RNF217: variants seen among roughly 807,000 people sequenced by gnomAD.
RNF217 encodes ring finger protein 217.
In RNF217, 31 loss-of-function variants were observed where a neutral mutation model predicts 57.8. That is an observed-to-expected ratio of 0.54 (90% CI 0.40 to 0.72). The LOEUF (loss-of-function observed/expected upper bound fraction) is 0.72, where lower values mean the gene tolerates loss of function less well. Ranked by LOEUF, RNF217 falls within the 30% of genes least tolerant of loss-of-function variation. The pLI is 0.00. For missense variants in RNF217, 696 were observed against 708.3 expected (o/e 0.98, Z 0.20); for synonymous variants, 313 against 294.0 (o/e 1.06, Z -0.66).
chr6:124,973,831 A>T (rs1228151378), intron 1 of RNF217, among the ~76,000 whole-genome samples: 2 of 152,088 alleles, frequency 1.3e-5, no homozygotes, highest in Admixed American at 6.5e-5. Context: ...AAAAAAAAAG[A>T]ACGATTTTAT....
intron 1 of RNF217, among the ~76,000 whole-genome samples, chr6:125,035,357 G>A (rs1168184877): frequency 1.3e-5 from 2 of 152,072 alleles, no homozygotes; most frequent in African/African-American, 4.8e-5. Flanking sequence ...CTCTCTCTCG[G>A]CAGAAACTCT....
rs1787106529 is a variant in RNF217, at chr6:125,046,540, T to A, written c.1116+1096T>A. The A allele has an allele frequency of 2.0e-5, 9 of 455,216 alleles. No homozygotes were observed. The Admixed American group carries it at 2.1e-4, about 11-fold the overall frequency. The allele number at this position is 455,216 out of a possible 1,614,324, so 28.2% of individuals were successfully genotyped here. A position where few individuals can be genotyped will look rare whatever the true frequency, so the allele number is the denominator to read the frequency against. ...CAGGTGACTAATCCACAGTAGAGAATCTTTGCAGTAAATGAAGCAGAAAAC... is the reference window on the plus strand; with the variant it reads ...CAGGTGACTAATCCACAGTAGAGAAACTTTGCAGTAAATGAAGCAGAAAAC... On this transcript the variant is annotated intron_variant, in intron 2 of 5. Coordinates refer to ENST00000521654, the MANE Select transcript of RNF217 (RefSeq NM_001286398.3).
At chr6:124,974,556 A>T (rs759346158) in intron 1 of RNF217, among the ~76,000 whole-genome samples, 54 of 152,226 alleles carry the variant, frequency 3.5e-4, no homozygotes, top group Non-Finnish European at 5.1e-4. Flanking sequence ...TCTGATTAAC[A>T]ACACTTAATA....
chr6:124,965,223 G>A (rs1016901590), intron 1 of RNF217, among the ~76,000 whole-genome samples: 1 of 152,146 alleles, frequency 6.6e-6, no homozygotes, highest in African/African-American at 2.4e-5. Flanking sequence ...ATTTCTGATT[G>A]TATGTATGTG....
At chr6:124,998,432 C>T (rs914352647) in intron 1 of RNF217, among the ~76,000 whole-genome samples, 4 of 152,174 alleles carry the variant, frequency 2.6e-5, no homozygotes, top group African/African-American at 4.8e-5. Context: ...TCACTTTGTC[C>T]ATGATCCCAA....
chr6:125,050,260 G>C (rs201052779), intron 2 of RNF217, among the ~76,000 whole-genome samples: 1 of 151,912 alleles, frequency 6.6e-6, no homozygotes, highest in Non-Finnish European at 1.5e-5. Context: ...TAGAGAACAC[G>C]TTAGAGGTAA....
At chr6:125,081,402 G>A (rs767761318) in intron 4 of RNF217, 34 bp from the exon 5 acceptor site, 1 of 1,542,088 alleles carries the variant, frequency 6.5e-7, no homozygotes, top group Non-Finnish European at 8.9e-7. Flanking sequence ...TTAGTTTTAA[G>A]ACTCCTTAAA....
At chr6:124,987,987 A>G (rs1257115988) in intron 1 of RNF217, among the ~76,000 whole-genome samples, 1 of 152,156 alleles carries the variant, frequency 6.6e-6, no homozygotes, top group Non-Finnish European at 1.5e-5. Flanking sequence ...CCAGGGATCA[A>G]TCCCCGGACT....
chr6:125,053,533 T>C (rs2114570083), intron 2 of RNF217, among the ~76,000 whole-genome samples: 1 of 152,274 alleles, frequency 6.6e-6, no homozygotes. Flanking sequence ...TTGTGATTTA[T>C]TTAAAATAAT....
chr6:124,981,474 G>T (rs1449070915), intron 1 of RNF217, among the ~76,000 whole-genome samples: 2 of 152,146 alleles, frequency 1.3e-5, no homozygotes, highest in Admixed American at 1.3e-4. Flanking sequence ...TGGGGGGGCG[G>T]TGACTTTCAG....
intron 1 of RNF217, among the ~76,000 whole-genome samples, chr6:124,970,563 G>A (rs932822528): frequency 6.6e-6 from 1 of 152,184 alleles, no homozygotes; most frequent in African/African-American, 2.4e-5. Flanking sequence ...TTCATGAAGG[G>A]ATGTTGAGTA....
chr6:125,083,042 A>G lies in RNF217; in HGVS notation c.*105A>G. The G allele has an allele frequency of 1.4e-6, 1 of 701,310 alleles. No homozygotes were observed. The highest frequency in any genetic ancestry group is 2.3e-6 in the Non-Finnish European group (1 of 437,578). The allele number at this position is 701,310 out of a possible 1,614,324, so 43.4% of individuals were successfully genotyped here. On this transcript the variant is annotated 3_prime_UTR_variant, in exon 6 of 6. Coordinates refer to ENST00000521654, the MANE Select transcript of RNF217 (RefSeq NM_001286398.3). ...TGAAAAACACTGAGAGGAACCTTCT[A>G]CCATCTCATCTCCCAGTGATTCTCC... is the stretch of plus-strand genomic sequence containing the variant.
intron 3 of RNF217, among the ~76,000 whole-genome samples, chr6:125,073,629 G>A (rs897507515): frequency 1.3e-5 from 2 of 152,070 alleles, no homozygotes; most frequent in Admixed American, 6.6e-5. Flanking sequence ...GGTAACTCTC[G>A]ACCCTAGGTG....
chr6:125,023,842 G>A (rs1364283446), intron 1 of RNF217, among the ~76,000 whole-genome samples: 2 of 152,134 alleles, frequency 1.3e-5, no homozygotes, highest in African/African-American at 2.4e-5. Context: ...AATGCCACAT[G>A]GTCCCCCTTT....
intron 3 of RNF217, among the ~76,000 whole-genome samples, chr6:125,065,487 G>T (rs1787903876): frequency 6.6e-6 from 1 of 152,088 alleles, no homozygotes; most frequent in African/African-American, 2.4e-5. Context: ...ATAAATGCCA[G>T]CCCCACCATC....
rs145216221 is a variant in RNF217, at chr6:125,075,919, A to T, written c.1282-738A>T. 3.4e-3 allele frequency among the ~76,000 whole-genome samples: 516 copies of T among 152,214 alleles called. 1 individual carries two copies. The highest frequency in any genetic ancestry group is 6.3e-3 in the Non-Finnish European group (428 of 68,026). On this transcript the variant is annotated intron_variant, in intron 3 of 5. Coordinates refer to ENST00000521654, the MANE Select transcript of RNF217 (RefSeq NM_001286398.3). ...CCACACTGTATGTTATATATGGTGT[A>T]TGTATATATACCATACCACCACTGT...
intron 3 of RNF217, among the ~76,000 whole-genome samples, chr6:125,067,259 G>A (rs1787968553): frequency 1.3e-5 from 2 of 152,108 alleles, no homozygotes; most frequent in Admixed American, 6.5e-5. Context: ...ACAAGAGCTG[G>A]GACTTTGCAA....
intron 1 of RNF217, among the ~76,000 whole-genome samples, chr6:125,035,303 T>C (rs894202700): frequency 6.6e-6 from 1 of 152,092 alleles, no homozygotes; most frequent in Non-Finnish European, 1.5e-5. Flanking sequence ...CTTCCAGTTT[T>C]TGCCCATTCA....
chr6:125,024,300 A>G (rs949255534), intron 1 of RNF217, among the ~76,000 whole-genome samples: 1 of 152,186 alleles, frequency 6.6e-6, no homozygotes, highest in Non-Finnish European at 1.5e-5. Context: ...AACATGAAGG[A>G]GGCCAGGCAC....
Sources: allele counts gnomAD v4.1 joint callset (sites outside exome capture counted in the v4.1 genomes callset), GRCh38; gene constraint gnomAD v4.1.1; transcripts MANE v1.5; gene names NCBI Gene and HGNC (gene_info 2026-07-23, HGNC 2026-07-21).